The following TSHZ2 variants were observed in gnomAD, a reference collection of about 807,000 sequenced individuals.
The protein encoded by TSHZ2 is teashirt zinc finger homeobox 2, also known as teashirt homolog 2.
In TSHZ2, 21 loss-of-function variants were observed where a neutral mutation model predicts 74.4. That is an observed-to-expected ratio of 0.28 (90% CI 0.20 to 0.41). The LOEUF is 0.41. Among genes scored for constraint, TSHZ2 ranks in the 10% least tolerant of loss-of-function variants. TSHZ2 has a pLI of 1.00. For synonymous variants in TSHZ2, 540 were observed against 515.3 expected (o/e 1.05, Z -0.65); for missense variants, 1,244 against 1,293.5 (o/e 0.96, Z 0.59).
chr20:53,065,533 A>C (rs908228638), intron 1 of TSHZ2, among the ~76,000 whole-genome samples: 1 of 152,224 alleles, frequency 6.6e-6, no homozygotes, highest in African/African-American at 2.4e-5. Context: ...AACCAATGTA[A>C]TCTGCAGAAC....
chr20:53,396,061 G>A (rs976118078), intron 2 of TSHZ2, among the ~76,000 whole-genome samples: 1 of 152,070 alleles, frequency 6.6e-6, no homozygotes, highest in Non-Finnish European at 1.5e-5. Context: ...TCAGCCTCCC[G>A]AGTAGCTGGG....
In TSHZ2 at chr20:53,303,288, C is replaced by T. The variant is rs145101534; in HGVS notation, c.*8+46717C>T. ...TTAAGTGACCTTTAAGCAATGATGACGTCTATCTTGTTGAGACTTAATTGC... is the reference window on the plus strand; with the variant it reads ...TTAAGTGACCTTTAAGCAATGATGATGTCTATCTTGTTGAGACTTAATTGC... On this transcript the variant is annotated intron_variant, in intron 2 of 2. Coordinates refer to ENST00000371497, the MANE Select transcript of TSHZ2 (RefSeq NM_173485.6). 1.5e-3 allele frequency among the ~76,000 whole-genome samples: 230 copies of T among 152,300 alleles called. 1 individual carries two copies. The highest frequency in any genetic ancestry group is 5.1e-3 in the African/African-American group (212 of 41,548).
Position 53,308,175 on chromosome 20 carries a change from G to C in TSHZ2, c.*8+51604G>C, listed in dbSNP as rs76598149. On this transcript the variant is annotated intron_variant, in intron 2 of 2. Coordinates refer to ENST00000371497, the MANE Select transcript of TSHZ2 (RefSeq NM_173485.6). ...AAAGAAGAAATAGACATGTGTACTG[G>C]GGAGTCATGTTTGGTCTCCAGTTAG... is the stretch of plus-strand genomic sequence containing the variant. 3.9e-3 allele frequency among the ~76,000 whole-genome samples: 591 copies of C among 152,270 alleles called. 4 individuals carry two copies. The highest frequency in any genetic ancestry group is 0.013 in the African/African-American group (558 of 41,554).
At chr20:53,056,313 A>G (rs1984637784) in intron 1 of TSHZ2, among the ~76,000 whole-genome samples, 1 of 152,170 alleles carries the variant, frequency 6.6e-6, no homozygotes, top group South Asian at 2.1e-4. Flanking sequence ...TGCAAACTGG[A>G]CCAACTATAT....
intron 1 of TSHZ2, among the ~76,000 whole-genome samples, chr20:53,193,016 G>A (rs563708977): frequency 4.5e-4 from 69 of 152,270 alleles, no homozygotes; most frequent in Admixed American, 8.5e-4. Flanking sequence ...ACACCACAGT[G>A]GGGACATGCG....
chr20:53,417,777 G>A (rs1180530797), intron 2 of TSHZ2, among the ~76,000 whole-genome samples: 1 of 151,920 alleles, frequency 6.6e-6, no homozygotes, highest in African/African-American at 2.4e-5. Context: ...TAAAAAATAG[G>A]GATGAGCTGG....
chr20:53,166,245 T>C (rs1032275831), intron 1 of TSHZ2, among the ~76,000 whole-genome samples: 1 of 152,216 alleles, frequency 6.6e-6, no homozygotes, highest in Admixed American at 6.5e-5. Context: ...TTAGTTTTGA[T>C]TTACTTTATT....
intron 1 of TSHZ2, among the ~76,000 whole-genome samples, chr20:53,175,142 T>C (rs1988302404): frequency 1.4e-5 from 2 of 140,274 alleles, no homozygotes; most frequent in African/African-American, 5.3e-5. Context: ...TTTTTTTTTT[T>C]TTTTTTTTTT....
At chr20:53,296,412 A>T in intron 2 of TSHZ2, among the ~76,000 whole-genome samples, 1 of 152,294 alleles carries the variant, frequency 6.6e-6, no homozygotes. Flanking sequence ...TATGCTGGCA[A>T]TTTCCAATAT....
At chr20:53,300,129 C>A (rs1311605448) in intron 2 of TSHZ2, among the ~76,000 whole-genome samples, 1 of 152,138 alleles carries the variant, frequency 6.6e-6, no homozygotes, top group African/African-American at 2.4e-5. Context: ...GAAGTGCAGC[C>A]CCCAGCAAAC....
At chr20:53,160,412 C>G (rs190047733) in intron 1 of TSHZ2, among the ~76,000 whole-genome samples, 6 of 152,222 alleles carry the variant, frequency 3.9e-5, no homozygotes, top group South Asian at 2.1e-4. Flanking sequence ...ATCTGTTGTT[C>G]AGTTCAGGCA....
chr20:53,058,264 G>T (rs1047488113), intron 1 of TSHZ2, among the ~76,000 whole-genome samples: 5 of 152,168 alleles, frequency 3.3e-5, no homozygotes, highest in African/African-American at 1.2e-4. Context: ...TGTAGCCCCA[G>T]AGTTGGGGAC....
intron 2 of TSHZ2, among the ~76,000 whole-genome samples, chr20:53,471,803 C>CTT (rs58027394): frequency 1.4e-4 from 12 of 87,280 alleles, no homozygotes; most frequent in Admixed American, 3.9e-4. Context: ...CTTTTCTTTT[C>CTT]TTTTTTTTTT....
intron 2 of TSHZ2, among the ~76,000 whole-genome samples, chr20:53,259,198 AT>A (rs1253625807): frequency 6.6e-6 from 1 of 152,224 alleles, no homozygotes; most frequent in Non-Finnish European, 1.5e-5. Context: ...AGTAGCACAA[AT>A]TGTGCAAAGT....
At position 53,231,889 on chromosome 20, in the gene TSHZ2, A is replaced by G. The variant is rs185783525; in HGVS notation, c.41-21610A>G. On this transcript the variant is annotated intron_variant, in intron 1 of 2. Coordinates refer to ENST00000371497, the MANE Select transcript of TSHZ2 (RefSeq NM_173485.6). ...TTGGTACTACAGGCCATACAAAACAATATTTTTTTTTCTAGAGGAGGGTCT... is the reference window on the plus strand; with the variant it reads ...TTGGTACTACAGGCCATACAAAACAGTATTTTTTTTTCTAGAGGAGGGTCT... Among the ~76,000 whole-genome samples the G allele has an allele frequency of 2.4e-3, 368 of 152,000 alleles. 1 individual carries two copies. Among genetic ancestry groups the G allele is most frequent in the Non-Finnish European group, 3.4e-3 (231 of 67,966 alleles).
chr20:52,973,176 C>A lies in TSHZ2; in HGVS notation c.-118C>A. 1 of 1,330,126 alleles carries A rather than the reference C, an allele frequency of 7.5e-7. No individual in the cohort carries two copies. The highest frequency in any genetic ancestry group is 1.0e-6 in the Non-Finnish European group (1 of 960,678). 82.4% of individuals were successfully genotyped at this position (1,330,126 alleles called of 1,614,324 possible). A position where few individuals can be genotyped will look rare whatever the true frequency, so the allele number is the denominator to read the frequency against. ...CGTCAGGGGGACAGAGGCCGAGTGA[C>A]GTCCTAGGAGCCACCGGGCAAGAGG... On this transcript the variant is annotated 5_prime_UTR_variant, in exon 1 of 3. Transcript: ENST00000371497.
At chr20:53,257,668 G>C (rs540899227) in intron 2 of TSHZ2, among the ~76,000 whole-genome samples, 75 of 152,174 alleles carry the variant, frequency 4.9e-4, no homozygotes, top group Admixed American at 1.0e-3. Context: ...ATACACTAAG[G>C]GCCCTCCTAT....
At chr20:53,396,269 T>C (rs1375861624) in intron 2 of TSHZ2, among the ~76,000 whole-genome samples, 1 of 152,204 alleles carries the variant, frequency 6.6e-6, no homozygotes, top group Non-Finnish European at 1.5e-5. Context: ...TAATACAAAA[T>C]ATCCAGCTCA....
At chr20:53,358,941 T>C (rs1336193968) in intron 2 of TSHZ2, among the ~76,000 whole-genome samples, 1 of 152,190 alleles carries the variant, frequency 6.6e-6, no homozygotes, top group Non-Finnish European at 1.5e-5. Flanking sequence ...TATTTATTAT[T>C]TTAGGAATCA....
Sources: allele counts gnomAD v4.1 joint callset (sites outside exome capture counted in the v4.1 genomes callset), GRCh38; gene constraint gnomAD v4.1.1; transcripts MANE v1.5; gene names NCBI Gene and HGNC (gene_info 2026-07-23, HGNC 2026-07-21).